The following TNR variants were observed in gnomAD, a reference collection of about 807,000 sequenced individuals.
The protein encoded by TNR is tenascin R.
Under a neutral mutation model 150.4 loss-of-function variants are expected in TNR, and 45 were observed. That is an observed-to-expected ratio of 0.30 (90% CI 0.24 to 0.38). TNR has a LOEUF of 0.38. Ranked by LOEUF, TNR falls within the 10% of genes least tolerant of loss-of-function variation. The pLI is 1.00. For missense variants in TNR, 1,544 were observed against 1,759.1 expected (o/e 0.88, Z 2.19); for synonymous variants, 687 against 678.4 (o/e 1.01, Z -0.20).
chr1:175,566,809 A>G (rs910976259), intron 1 of TNR, among the ~76,000 whole-genome samples: 3 of 152,224 alleles, frequency 2.0e-5, no homozygotes, highest in Admixed American at 1.3e-4. Flanking sequence ...CTTGAATATC[A>G]TAAGTCTACG....
intron 18 of TNR, among the ~76,000 whole-genome samples, chr1:175,341,121 T>A (rs1426752431): frequency 1.3e-5 from 2 of 152,220 alleles, no homozygotes; most frequent in Non-Finnish European, 2.9e-5. Flanking sequence ...GTGAACGTAC[T>A]GGGGCTTTAT....
chr1:175,674,702 C>G (rs1381551842), intron 1 of TNR, among the ~76,000 whole-genome samples: 1 of 152,184 alleles, frequency 6.6e-6, no homozygotes, highest in Non-Finnish European at 1.5e-5. Flanking sequence ...ACAGCAATGT[C>G]CTAGCGCCAG....
At chr1:175,404,985 A>T (rs945221942) in intron 3 of TNR, among the ~76,000 whole-genome samples, 15 of 152,170 alleles carry the variant, frequency 9.9e-5, no homozygotes, top group Admixed American at 7.9e-4. Context: ...CTCAGGGTGA[A>T]TGTGTCAGGT....
intron 1 of TNR, among the ~76,000 whole-genome samples, chr1:175,569,491 A>G (rs1661777439): frequency 6.6e-6 from 1 of 152,328 alleles, no homozygotes; most frequent in South Asian, 2.1e-4. Context: ...CTGACGATAT[A>G]ATTGTTGGGA....
intron 1 of TNR, among the ~76,000 whole-genome samples, chr1:175,552,678 A>G (rs1411581436): frequency 6.6e-6 from 1 of 152,190 alleles, no homozygotes; most frequent in Non-Finnish European, 1.5e-5. Flanking sequence ...TACATTGTCT[A>G]TTTGAAGTCT....
At chr1:175,699,520 T>C (rs1666625247) in intron 1 of TNR, among the ~76,000 whole-genome samples, 1 of 152,092 alleles carries the variant, frequency 6.6e-6, no homozygotes, top group Non-Finnish European at 1.5e-5. Context: ...AATGCACTGA[T>C]ACACAGGGGA....
At position 175,738,045 on chromosome 1, in the gene TNR, G is replaced by T. The variant is rs16849061; in HGVS notation, c.-165+5181C>A. Reference sequence around the variant, plus strand: ...TTTGGCTGTTGTACAGATTAGCAATGAGAGTCTGAATATAGAAGATAAATC... The same window carrying T: ...TTTGGCTGTTGTACAGATTAGCAATTAGAGTCTGAATATAGAAGATAAATC... On this transcript the variant is annotated intron_variant, in intron 1 of 22. Transcript: ENST00000367674. Among the ~76,000 whole-genome samples, 370 of 152,244 alleles carry T rather than the reference G, an allele frequency of 2.4e-3. 1 individual carries two copies. The highest frequency in any genetic ancestry group is 8.6e-3 in the African/African-American group (357 of 41,538).
rs1659928420 is a variant in TNR at position 175,528,299 on chromosome 1, T to C, written c.-94A>G. 1 of 152,232 alleles carries C rather than the reference T, an allele frequency of 6.6e-6. No individual in the cohort carries two copies. 9.4% of individuals were successfully genotyped at this position (152,232 alleles called of 1,614,324 possible). A position where few individuals can be genotyped will look rare whatever the true frequency, so the allele number is the denominator to read the frequency against. On this transcript the variant is annotated 5_prime_UTR_variant, in exon 2 of 23. Transcript: ENST00000367674. ...GTGATGGTGTCTTCGATGCTTTCTC[T>C]TTACTGCACTTTCTTTAATCCTAAT...
At chr1:175,447,325 G>C (rs1656100679) in intron 2 of TNR, among the ~76,000 whole-genome samples, 1 of 152,086 alleles carries the variant, frequency 6.6e-6, no homozygotes, top group Non-Finnish European at 1.5e-5. Context: ...TTCTCTGAAG[G>C]TTTTCATTCC....
Position 175,500,509 on chromosome 1 carries a change from G to A in TNR, c.-64+27760C>T, listed in dbSNP as rs1000834170. On this transcript the variant is annotated intron_variant, in intron 2 of 22. Coordinates refer to ENST00000367674, the MANE Select transcript of TNR (RefSeq NM_003285.3). ...AAAGGATGCTGGCAGGAGGCTGTGC[G>A]GGCAGGGAAAACCAAGGCTGGGCTG... is the stretch of plus-strand genomic sequence containing the variant. 5.9e-5 allele frequency among the ~76,000 whole-genome samples: 9 copies of A among 152,306 alleles called. No homozygotes were observed. In the South Asian group the frequency reaches 1.2e-3, roughly 21 times the overall value.
At chr1:175,386,846 C>T (rs1652961352) in intron 7 of TNR, among the ~76,000 whole-genome samples, 1 of 152,206 alleles carries the variant, frequency 6.6e-6, no homozygotes, top group South Asian at 2.1e-4. Flanking sequence ...TAAAAACCAA[C>T]AGACATTTGC....
chr1:175,459,041 T>C (rs1174256927), intron 2 of TNR, among the ~76,000 whole-genome samples: 1 of 151,676 alleles, frequency 6.6e-6, no homozygotes, highest in Non-Finnish European at 1.5e-5. Flanking sequence ...CACTGTTGCC[T>C]CTACTATTAC....
intron 1 of TNR, among the ~76,000 whole-genome samples, chr1:175,697,944 G>A (rs1299882124): frequency 6.6e-6 from 1 of 152,200 alleles, no homozygotes; most frequent in African/African-American, 2.4e-5. Context: ...TTCAGAGTCA[G>A]CCCTGCCTTT....
intron 4 of TNR, 54 bp from the exon 5 acceptor site, chr1:175,396,861 C>T (rs964169526): frequency 5.7e-6 from 9 of 1,571,852 alleles, no homozygotes; most frequent in Non-Finnish European, 7.8e-6. Flanking sequence ...CCTTCCCCAT[C>T]CTGGACTCAA....
chr1:175,722,585 C>T (rs1667338032), intron 1 of TNR, among the ~76,000 whole-genome samples: 1 of 151,690 alleles, frequency 6.6e-6, no homozygotes, highest in Non-Finnish European at 1.5e-5. Flanking sequence ...CCATCTCAGC[C>T]TCCCAGGTAG....
chr1:175,406,178 C>T, intron 3 of TNR, 38 bp downstream of exon 3: 5 of 1,594,160 alleles, frequency 3.1e-6, no homozygotes, highest in Non-Finnish European at 4.3e-6. Flanking sequence ...CCCTCTCCTT[C>T]CCCTCCTGAG....
At chr1:175,654,274 T>G (rs547333440) in intron 1 of TNR, among the ~76,000 whole-genome samples, 1 of 152,348 alleles carries the variant, frequency 6.6e-6, no homozygotes, top group Admixed American at 6.5e-5. Context: ...AAGATGCTGG[T>G]TATAGCTGCA....
At position 175,582,018 on chromosome 1, in the gene TNR, C is replaced by T. The variant is rs141651603; in HGVS notation, c.-164-53649G>A. Among the ~76,000 whole-genome samples the T allele has an allele frequency of 7.9e-3, 1,198 of 152,268 alleles. 13 individuals are homozygous for T. The highest frequency in any genetic ancestry group is 0.027 in the African/African-American group (1,136 of 41,546). On this transcript the variant is annotated intron_variant, in intron 1 of 22. Coordinates refer to ENST00000367674, the MANE Select transcript of TNR (RefSeq NM_003285.3). Reference sequence around the variant, plus strand: ...AGGATTCATCAAAAGGATGCTTCAACCTACTAAACTCACAAATTCTGGGTG... The same window carrying T: ...AGGATTCATCAAAAGGATGCTTCAATCTACTAAACTCACAAATTCTGGGTG...
intron 1 of TNR, among the ~76,000 whole-genome samples, chr1:175,543,002 C>T (rs996355756): frequency 3.9e-5 from 6 of 152,188 alleles, no homozygotes; most frequent in Admixed American, 2.0e-4. Context: ...CATGCAGTCA[C>T]AGTGCTCAGA....
Sources: gnomAD v4.1 joint callset for allele counts (sites outside exome capture counted in the v4.1 genomes callset) on GRCh38, gnomAD v4.1.1 for gene constraint, MANE v1.5 for transcripts, NCBI Gene and HGNC (gene_info 2026-07-23, HGNC 2026-07-21) for gene names.